The following SPATA13 variants were observed in gnomAD, a reference collection of about 807,000 sequenced individuals.
SPATA13 encodes the protein spermatogenesis associated 13.
Under a neutral mutation model 104.0 loss-of-function variants are expected in SPATA13, and 50 were observed. The ratio of observed to expected loss-of-function variants is 0.48; its 90% CI spans 0.38 to 0.61. The LOEUF is 0.61. SPATA13 is among the 20% of genes least tolerant of loss of function. The pLI, the probability that SPATA13 is intolerant of heterozygous loss-of-function variation, is 0.00. For missense variants in SPATA13, 1,524 were observed against 1,690.6 expected (o/e 0.90, Z 1.73); for synonymous variants, 606 against 667.5 (o/e 0.91, Z 1.42).
At chr13:24,222,445 A>G (rs994310867) in intron 1 of SPATA13, among the ~76,000 whole-genome samples, 19 of 151,390 alleles carry the variant, frequency 1.3e-4, no homozygotes, top group Middle Eastern at 3.2e-3. Context: ...AATCGTTGTG[A>G]GGTTTTCTTT....
chr13:24,134,190 C>T (rs1881480822), intron 3 of SPATA13, among the ~76,000 whole-genome samples: 1 of 152,216 alleles, frequency 6.6e-6, no homozygotes, highest in Non-Finnish European at 1.5e-5. Context: ...CAATGAATTT[C>T]TCTCCCCAGC....
upstream of SPATA13, among the ~76,000 whole-genome samples, chr13:24,160,149 C>CAGGCAGAGGTG (rs1227730377): frequency 4.7e-4 from 72 of 152,348 alleles, no homozygotes; most frequent in African/African-American, 1.6e-3. Flanking sequence ...ACTTCTGGCC[C>CAGGCAGAGGTG]AGGCAGTGGG....
At chr13:24,110,229 C>A (rs1880594125) in intron 3 of SPATA13, among the ~76,000 whole-genome samples, 2 of 151,810 alleles carry the variant, frequency 1.3e-5, no homozygotes. Flanking sequence ...GCTGAGCCGG[C>A]TCTCCCAGAA....
intron 4 of SPATA13, among the ~76,000 whole-genome samples, chr13:24,256,878 G>A (rs575938462): frequency 6.6e-6 from 1 of 152,244 alleles, no homozygotes; most frequent in Non-Finnish European, 1.5e-5. Flanking sequence ...CCACTGCATT[G>A]TTGGGGATGG....
chr13:24,240,555 C>T (rs549395929), intron 2 of SPATA13, among the ~76,000 whole-genome samples: 8 of 152,164 alleles, frequency 5.3e-5, no homozygotes, highest in Non-Finnish European at 8.8e-5. Flanking sequence ...CACCGTCATG[C>T]GGAGTTCATT....
intron 3 of SPATA13, among the ~76,000 whole-genome samples, chr13:24,113,953 G>T (rs1880741211): frequency 6.6e-6 from 1 of 151,672 alleles, no homozygotes; most frequent in Non-Finnish European, 1.5e-5. Flanking sequence ...TTACAAGTTT[G>T]CAGATTTGCA....
At chr13:23,986,650 G>A (rs191857831) in intron 2 of SPATA13, among the ~76,000 whole-genome samples, 1 of 152,278 alleles carries the variant, frequency 6.6e-6, no homozygotes, top group East Asian at 1.9e-4. Flanking sequence ...TAGAGGTGTG[G>A]ATTTCTCACC....
At chr13:24,167,797 G>A (rs1055201870) in intron 1 of SPATA13, among the ~76,000 whole-genome samples, 6 of 152,168 alleles carry the variant, frequency 3.9e-5, no homozygotes, top group African/African-American at 1.4e-4. Context: ...TGGAAAGAGT[G>A]TATAATCTTT....
At chr13:24,131,167 A>G (rs1881380035) in intron 3 of SPATA13, among the ~76,000 whole-genome samples, 1 of 152,260 alleles carries the variant, frequency 6.6e-6, no homozygotes, top group Non-Finnish European at 1.5e-5. Flanking sequence ...AAGTCCACTT[A>G]TTAGGTGGCT....
chr13:24,232,389 A>T (rs1190729496), intron 2 of SPATA13, among the ~76,000 whole-genome samples: 1 of 152,186 alleles, frequency 6.6e-6, no homozygotes, highest in Non-Finnish European at 1.5e-5. Flanking sequence ...TACTGATTCC[A>T]ATGCCAGTCT....
intron 3 of SPATA13, among the ~76,000 whole-genome samples, chr13:24,251,082 G>A (rs888553943): frequency 6.6e-6 from 1 of 152,204 alleles, no homozygotes; most frequent in African/African-American, 2.4e-5. Flanking sequence ...AATAGTTTTA[G>A]GGATCGCTAT....
intron 3 of SPATA13, among the ~76,000 whole-genome samples, chr13:24,147,672 T>C (rs1881976090): frequency 1.3e-5 from 2 of 152,180 alleles, no homozygotes; most frequent in African/African-American, 4.8e-5. Flanking sequence ...ATTAAGTACA[T>C]TTATATTGCT....
At chr13:24,083,434 T>C (rs912864) in intron 3 of SPATA13, among the ~76,000 whole-genome samples, 149,180 of 152,268 alleles carry the variant, frequency 0.98, 73,153 homozygotes, top group Middle Eastern at 1. Flanking sequence ...GGCCTGACCT[T>C]GGCCACAGGT....
intron 3 of SPATA13, among the ~76,000 whole-genome samples, chr13:24,151,309 GC>G (rs992238040): frequency 1.3e-5 from 2 of 152,168 alleles, no homozygotes; most frequent in Non-Finnish European, 2.9e-5. Context: ...AACACATGGG[GC>G]TGAGGACCCG....
chr13:24,025,661 G>T (rs1877176982), intron 3 of SPATA13, among the ~76,000 whole-genome samples: 1 of 152,114 alleles, frequency 6.6e-6, no homozygotes, highest in East Asian at 1.9e-4. Context: ...TGCCAATTTG[G>T]TGAATATAAA....
intron 1 of SPATA13, among the ~76,000 whole-genome samples, chr13:24,191,511 T>C (rs1305752122): frequency 1.6e-5 from 2 of 125,280 alleles, no homozygotes; most frequent in Admixed American, 8.0e-5. Flanking sequence ...CTTTTTTTTT[T>C]TTTTTTTTTT....
intron 1 of SPATA13, among the ~76,000 whole-genome samples, chr13:24,199,308 T>C (rs1870272826): frequency 6.6e-6 from 1 of 152,222 alleles, no homozygotes; most frequent in African/African-American, 2.4e-5. Flanking sequence ...CTGGGAAGAC[T>C]GAATCTTGCT....
intron 1 of SPATA13, among the ~76,000 whole-genome samples, chr13:24,194,483 G>A (rs1450650139): frequency 6.6e-6 from 1 of 152,144 alleles, no homozygotes; most frequent in African/African-American, 2.4e-5. Context: ...TGAAATAGGA[G>A]AAACCAACTA....
At chr13:24,052,641 A>G (rs1483634091) in intron 3 of SPATA13, among the ~76,000 whole-genome samples, 2 of 151,956 alleles carry the variant, frequency 1.3e-5, no homozygotes, top group Admixed American at 1.3e-4. Context: ...AACATGGAAA[A>G]TGGAAAGGAT....
Sources: allele counts gnomAD v4.1 joint callset (sites outside exome capture counted in the v4.1 genomes callset), GRCh38; gene constraint gnomAD v4.1.1; transcripts MANE v1.5; gene names NCBI Gene and HGNC (gene_info 2026-07-23, HGNC 2026-07-21).